SNED1: variants seen among roughly 807,000 people sequenced by gnomAD.
SNED1 encodes sushi, nidogen and EGF like domains 1.
In SNED1, 81 loss-of-function variants were observed where a neutral mutation model predicts 166.7. That is an observed-to-expected ratio of 0.49 (90% CI 0.41 to 0.58). SNED1 has a LOEUF of 0.58. Among genes scored for constraint, SNED1 ranks in the 20% least tolerant of loss-of-function variants. SNED1 has a pLI of 0.00. For missense variants in SNED1, 1,604 were observed against 2,000.2 expected (o/e 0.80, Z 3.78); for synonymous variants, 762 against 822.0 (o/e 0.93, Z 1.25).
rs1173949099 is a variant in SNED1, at chr2:241,040,154, C to T, written c.1125C>T (p.Cys375=). ...QVENGSAVCV[C]QAGYTGAACE... is the part of the protein sequence containing the mutation. The stretch of plus-strand genomic sequence containing the variant: ...AGAATGGCTCTGCGGTGTGTGTGTG[C>T]CAGGCCGGATACACCGGAGCAGCCT... The change falls in exon 7 of 32, where the codon TGC becomes TGT. Residue 375 remains cysteine (C), a synonymous_variant. Transcript: ENST00000310397. 3.1e-6 allele frequency: 5 copies of T among 1,599,374 alleles called. No homozygotes were observed. The highest frequency in any genetic ancestry group is 8.5e-7 in the Non-Finnish European group (1 of 1,172,858).
intron 27 of SNED1, among the ~76,000 whole-genome samples, chr2:241,076,176 G>T (rs2063011437): frequency 6.6e-6 from 1 of 152,126 alleles, no homozygotes; most frequent in South Asian, 2.1e-4. Flanking sequence ...CTATGGAAAA[G>T]GCCTTTGAGA....
At chr2:241,088,891 G>C (rs976118470) in intron 31 of SNED1, 8 of 199,744 alleles carry the variant, frequency 4.0e-5, no homozygotes, top group African/African-American at 1.6e-4. Context: ...AACTAAAAGT[G>C]GGGCAGGGGC....
In SNED1 at chr2:241,049,914, C is replaced by A. The variant is rs374401185; in HGVS notation, c.1716C>A (p.His572Gln). Reference protein sequence around the residue: ...SYTCECPRGFHGKHCEKARPH... With the variant: ...SYTCECPRGFQGKHCEKARPH... ...CCTGCGAGTGCCCGCGCGGGTTCCA[C>A]GGCAAGCACTGCGAGAAAGGTATGG... The change falls in exon 12 of 32, where the codon CAC (histidine) becomes CAA (glutamine). Residue 572 changes from histidine (H) to glutamine (Q), a missense_variant. His to Gln is a conservative substitution (Grantham distance 24). Transcript: ENST00000310397. 2.5e-5 allele frequency: 40 copies of A among 1,613,502 alleles called. No individual in the cohort carries two copies. Among genetic ancestry groups the A allele is most frequent in the Non-Finnish European group, 3.2e-5 (38 of 1,179,572 alleles).
intron 12 of SNED1, among the ~76,000 whole-genome samples, chr2:241,050,740 C>T (rs1421065413): frequency 2.0e-5 from 3 of 152,198 alleles, no homozygotes; most frequent in Non-Finnish European, 2.9e-5. Flanking sequence ...CTAGGACCAC[C>T]CTGAGGCCCT....
chr2:241,057,402 T>G (rs1017429108), intron 16 of SNED1, among the ~76,000 whole-genome samples: 1 of 143,238 alleles, frequency 7.0e-6, no homozygotes, highest in African/African-American at 2.7e-5. Flanking sequence ...TATATATATA[T>G]ATATATATAT....
rs1034938513 is a variant in SNED1, at chr2:241,013,109, C to G, written c.213+14059C>G. 7.2e-5 allele frequency among the ~76,000 whole-genome samples: 11 copies of G among 152,004 alleles called. No individual in the cohort carries two copies. Among genetic ancestry groups the G allele is most frequent in the Admixed American group, 3.3e-4 (5 of 15,264 alleles). ...TCAGCCTCCCAAAGTGATGGGATTA[C>G]AGGCGTGAGCCACCGCGCCCGGCCA... On this transcript the variant is annotated intron_variant, in intron 1 of 31. Transcript: ENST00000310397. The surrounding 1 kb of genome is among the most constrained non-coding windows in gnomAD (Gnocchi z 4.6).
At chr2:241,022,215 A>G (rs919462936) in intron 1 of SNED1, among the ~76,000 whole-genome samples, 1 of 152,188 alleles carries the variant, frequency 6.6e-6, no homozygotes, top group Non-Finnish European at 1.5e-5. Context: ...TGAAGCACAA[A>G]TGTTTTGAAT....
At chr2:241,050,479 G>A (rs777343972) in intron 12 of SNED1, among the ~76,000 whole-genome samples, 1 of 152,094 alleles carries the variant, frequency 6.6e-6, no homozygotes, top group Non-Finnish European at 1.5e-5. Flanking sequence ...CTGCCTGACC[G>A]CAGAGTGACC....
chr2:241,076,936 G>A (rs1186343153), intron 27 of SNED1, among the ~76,000 whole-genome samples: 1 of 152,186 alleles, frequency 6.6e-6, no homozygotes, highest in Non-Finnish European at 1.5e-5. Context: ...AAAATTAGCT[G>A]GGCATGGTGG....
intron 26 of SNED1, 55 bp downstream of exon 26, chr2:241,071,933 C>A: frequency 7.3e-7 from 1 of 1,375,200 alleles, no homozygotes; most frequent in African/African-American, 1.4e-5. Flanking sequence ...TCCTCACTGC[C>A]ACTCTCACCA....
chr2:241,068,980 C>T lies in SNED1; in HGVS notation c.3264C>T (p.His1088=). The T allele has an allele frequency of 6.4e-7, 1 of 1,556,754 alleles. No homozygotes were observed. Among genetic ancestry groups the T allele is most frequent in the Non-Finnish European group, 8.7e-7 (1 of 1,150,566 alleles). ...TCAGTGGGCTCAGGGGAGAGGAGCA[C>T]CCCACAGAGAGCCTGGCCACCGCGC... ...TTLSGLRGEE[H]PTESLATAPT... The change falls in exon 23 of 32, where the codon CAC becomes CAT. Residue 1088 remains histidine, a synonymous_variant. Transcript: ENST00000310397. This position sits in a 1 kb window ranked among gnomAD's most constrained non-coding sequence, Gnocchi z 5.3.
At chr2:240,998,447 C>T (rs971617516), upstream of SNED1, among the ~76,000 whole-genome samples, 5 of 152,334 alleles carry the variant, frequency 3.3e-5, no homozygotes, top group South Asian at 1.0e-3. Flanking sequence ...ACAGGGCGCG[C>T]GCCCGCAGAG....
chr2:241,071,768 T>C, intron 25 of SNED1, 28 bp from the exon 26 acceptor site: 1 of 1,478,454 alleles, frequency 6.8e-7, no homozygotes, highest in Non-Finnish European at 9.1e-7. Flanking sequence ...GCGCTCGGAC[T>C]GTGGTGACCC....
Position 241,063,995 on chromosome 2 carries a change from C to T in SNED1, c.2486-17C>T. 1.3e-6 allele frequency: 2 copies of T among 1,537,972 alleles called. No homozygotes were observed. The highest frequency in any genetic ancestry group is 2.4e-5 in the East Asian group (1 of 40,926). ...TCCCCCCTTGCAGCTTGGGCCCACT[C>T]TCTGGGTGTTCTCCAGAGGTGGACG... is the stretch of plus-strand genomic sequence containing the variant. On this transcript the variant is annotated splice_polypyrimidine_tract_variant and intron_variant, in intron 18 of 31. Transcript: ENST00000310397.
At chr2:241,054,764 G>A (rs1466876996) in intron 16 of SNED1, among the ~76,000 whole-genome samples, 1 of 152,204 alleles carries the variant, frequency 6.6e-6, no homozygotes, top group Non-Finnish European at 1.5e-5. Context: ...TTAGTGAGTT[G>A]AAAGATCAGC....
At chr2:241,081,915 G>A in intron 28 of SNED1, 122 bp downstream of exon 28, 1 of 754,060 alleles carries the variant, frequency 1.3e-6, no homozygotes, top group Non-Finnish European at 2.2e-6. Context: ...CAGACAGGGA[G>A]TCTGGTGCAC....
intron 1 of SNED1, chr2:241,015,555 G>A (rs1347979651): frequency 1.3e-5 from 2 of 152,944 alleles, no homozygotes; most frequent in Non-Finnish European, 2.9e-5. Flanking sequence ...GCAGCAGTGG[G>A]GCTCCTTTCT....
intron 1 of SNED1, among the ~76,000 whole-genome samples, chr2:241,008,099 C>T (rs2060277262): frequency 6.6e-6 from 1 of 152,264 alleles, no homozygotes; most frequent in Admixed American, 6.5e-5. Context: ...TGGCAGCTCC[C>T]CAGCTCTGAC....
In SNED1 at chr2:241,053,194, C is replaced by T; in HGVS notation, c.2125C>T (p.Leu709=). 1.2e-6 allele frequency: 2 copies of T among 1,611,158 alleles called. No individual in the cohort carries two copies. The highest frequency in any genetic ancestry group is 1.7e-6 in the Non-Finnish European group (2 of 1,179,468). The change falls in exon 16 of 32, where the codon CTG becomes TTG. Residue 709 remains leucine (L), a synonymous_variant. Transcript: ENST00000310397. ...CCCGGAGGAGGTGAAGCACGCCACACTGCGCTTCAACGGCACGCGGCTGGG... is the reference window on the plus strand; with the variant it reads ...CCCGGAGGAGGTGAAGCACGCCACATTGCGCTTCAACGGCACGCGGCTGGG... The part of the protein sequence containing the change: ...GPPEEVKHAT[L]RFNGTRLGAV...
Sources: gnomAD v4.1 joint callset for allele counts (sites outside exome capture counted in the v4.1 genomes callset) on GRCh38, gnomAD v4.1.1 for gene constraint, Gnocchi (gnomAD v3.1) non-coding constraint, MANE v1.5 for transcripts, NCBI Gene and HGNC (gene_info 2026-07-23, HGNC 2026-07-21) for gene names.